Variants in SRRM4 observed in about 807,000 individuals in gnomAD.
SRRM4 encodes the protein serine/arginine repetitive matrix protein 4.
A neutral mutation model predicts 68.9 loss-of-function variants in SRRM4; 33 were observed. The observed-to-expected ratio is 0.48, with a 90% confidence interval of 0.36 to 0.64. The LOEUF (loss-of-function observed/expected upper bound fraction) is 0.64. SRRM4 is among the 30% of genes least tolerant of loss of function. SRRM4 has a pLI of 0.00. For synonymous variants in SRRM4, 318 were observed against 318.8 expected (o/e 1.00, Z 0.03); for missense variants, 817 against 827.1 (o/e 0.99, Z 0.15).
At chr12:119,074,019 T>C (rs988704332) in intron 1 of SRRM4, among the ~76,000 whole-genome samples, 1 of 152,140 alleles carries the variant, frequency 6.6e-6, no homozygotes, top group Non-Finnish European at 1.5e-5. Flanking sequence ...ATATGTAAAG[T>C]GTTTTTAAAA....
At chr12:119,031,788 G>C (rs1163186328) in intron 1 of SRRM4, among the ~76,000 whole-genome samples, 1 of 149,562 alleles carries the variant, frequency 6.7e-6, no homozygotes, top group African/African-American at 2.5e-5. Flanking sequence ...CATAATTTTT[G>C]CCCATTAAAA....
chr12:119,109,195 T>A (rs1008019285), intron 2 of SRRM4, among the ~76,000 whole-genome samples: 2 of 152,194 alleles, frequency 1.3e-5, no homozygotes, highest in Non-Finnish European at 2.9e-5. Flanking sequence ...AGATCAGCTG[T>A]TAGTCTGATG....
intron 1 of SRRM4, among the ~76,000 whole-genome samples, chr12:119,092,350 A>G (rs1414520194): frequency 6.6e-6 from 1 of 152,092 alleles, no homozygotes; most frequent in Non-Finnish European, 1.5e-5. Flanking sequence ...AGGCTCATGT[A>G]CCCACTTGCC....
intron 3 of SRRM4, among the ~76,000 whole-genome samples, chr12:119,115,757 C>G (rs985051485): frequency 2.0e-5 from 3 of 152,178 alleles, no homozygotes; most frequent in Middle Eastern, 3.2e-3. Flanking sequence ...ACTCGTTCAT[C>G]CAGTGAATAT....
chr12:119,105,431 C>T (rs1200420277), intron 2 of SRRM4, among the ~76,000 whole-genome samples: 1 of 152,172 alleles, frequency 6.6e-6, no homozygotes, highest in African/African-American at 2.4e-5. Flanking sequence ...TTTACACTCC[C>T]ACCAACAGTG....
intron 1 of SRRM4, among the ~76,000 whole-genome samples, chr12:119,021,282 T>C (rs1953514470): frequency 6.6e-6 from 1 of 152,202 alleles, no homozygotes; most frequent in Non-Finnish European, 1.5e-5. Context: ...AAAAAAGAAG[T>C]GATCCTATGG....
chr12:119,141,172 AC>A (rs1178635124), intron 8 of SRRM4, among the ~76,000 whole-genome samples: 2 of 152,158 alleles, frequency 1.3e-5, no homozygotes, highest in East Asian at 3.9e-4. Context: ...CGAACTCCTG[AC>A]CTCAAGTAAT....
At chr12:119,070,527 C>T (rs1272915902) in intron 1 of SRRM4, among the ~76,000 whole-genome samples, 8 of 152,054 alleles carry the variant, frequency 5.3e-5, no homozygotes, top group African/African-American at 7.2e-5. Context: ...CACCCCCTGC[C>T]GCACACAGAA....
At chr12:118,982,665 T>TTTTATTTTATTTTATTTTA (rs1953255366) in intron 1 of SRRM4, among the ~76,000 whole-genome samples, 1 of 80,956 alleles carries the variant, frequency 1.2e-5, no homozygotes, top group African/African-American at 4.0e-5. Flanking sequence ...AAGAGTTTTA[T>TTTTATTTTATTTTATTTTA]TTTGTTTTTT....
chr12:119,032,092 CCACAGTT>C (rs1185821411), intron 1 of SRRM4, among the ~76,000 whole-genome samples: 1 of 152,014 alleles, frequency 6.6e-6, no homozygotes, highest in Non-Finnish European at 1.5e-5. Context: ...ACTCTTTAAT[CCACAGTT>C]CATCTTTTCC....
At chr12:119,135,431 A>G (rs925497018) in intron 8 of SRRM4, among the ~76,000 whole-genome samples, 13 of 152,238 alleles carry the variant, frequency 8.5e-5, no homozygotes, top group African/African-American at 2.9e-4. Flanking sequence ...AAAAACAATA[A>G]TAATAAAAGC....
intron 2 of SRRM4, among the ~76,000 whole-genome samples, chr12:119,107,610 G>C (rs552504291): frequency 1.3e-5 from 2 of 152,238 alleles, no homozygotes; most frequent in East Asian, 3.9e-4. Context: ...TTTGTGTAGA[G>C]TGTTTATAGT....
At chr12:119,019,947 G>GC (rs1953504224) in intron 1 of SRRM4, among the ~76,000 whole-genome samples, 20 of 37,874 alleles carry the variant, frequency 5.3e-4, no homozygotes, top group Admixed American at 8.4e-4. Flanking sequence ...AGTTCCCCCC[G>GC]CTCCCCCCCC....
chr12:119,094,348 A>G (rs1417953631), intron 1 of SRRM4, among the ~76,000 whole-genome samples: 1 of 152,162 alleles, frequency 6.6e-6, no homozygotes, highest in African/African-American at 2.4e-5. Flanking sequence ...AATTGGTTAG[A>G]AATGCAGAAA....
Position 119,151,105 on chromosome 12 carries a change from T to C in SRRM4, c.1165T>C (p.Cys389Arg), listed in dbSNP as rs200763312. 1 of 1,613,842 alleles carries C rather than the reference T, an allele frequency of 6.2e-7. No homozygotes were observed. Among genetic ancestry groups the C allele is most frequent in the East Asian group, 2.2e-5 (1 of 44,856 alleles). ...AGCCCGGAGCTCACCCATGAAAGGGTGTTCCCGCAGCTCCTCCTATGCCAG... is the reference window on the plus strand; with the variant it reads ...AGCCCGGAGCTCACCCATGAAAGGGCGTTCCCGCAGCTCCTCCTATGCCAG... ...STARSSPMKG[C>R]SRSSSYASTR... Residue 389 changes from cysteine to arginine, a missense_variant, in exon 10 of 13, where the codon TGT becomes CGT. Physicochemically the swap from Cys to Arg is radical, Grantham distance 180. Coordinates refer to ENST00000267260, the MANE Select transcript of SRRM4 (RefSeq NM_194286.4).
intron 1 of SRRM4, among the ~76,000 whole-genome samples, chr12:119,054,600 G>C (rs1258578957): frequency 6.6e-6 from 1 of 150,808 alleles, no homozygotes; most frequent in Non-Finnish European, 1.5e-5. Context: ...GTATTAGTTA[G>C]GAGTCCTTTA....
intron 1 of SRRM4, among the ~76,000 whole-genome samples, chr12:119,087,941 C>T (rs943065201): frequency 1.3e-5 from 2 of 152,114 alleles, no homozygotes; most frequent in African/African-American, 4.8e-5. Flanking sequence ...CTTACAATAC[C>T]CACCTCAAGA....
At position 119,138,197 on chromosome 12, in the gene SRRM4, G is replaced by A. The variant is rs1592913472; in HGVS notation, c.772-7184G>A. Among the ~76,000 whole-genome samples the A allele has an allele frequency of 2.0e-5, 3 of 152,112 alleles. No homozygotes were observed. In the East Asian group the frequency reaches 5.8e-4, roughly 29 times the overall value. ...CAGATCTTATTTTTCAACAGAAACT[G>A]GAAATGGGGTTGTTACATGAAACCT... is the stretch of plus-strand genomic sequence containing the variant. On this transcript the variant is annotated intron_variant, in intron 8 of 12. Coordinates refer to ENST00000267260, the MANE Select transcript of SRRM4 (RefSeq NM_194286.4).
intron 1 of SRRM4, among the ~76,000 whole-genome samples, chr12:119,024,189 A>G (rs1267481715): frequency 6.6e-6 from 1 of 152,074 alleles, no homozygotes; most frequent in Non-Finnish European, 1.5e-5. Flanking sequence ...CAAAAATTGT[A>G]CCTGAAGCCC....
Sources: gnomAD v4.1 joint callset for allele counts (sites outside exome capture counted in the v4.1 genomes callset) on GRCh38, gnomAD v4.1.1 for gene constraint, MANE v1.5 for transcripts, NCBI Gene and HGNC (gene_info 2026-07-23, HGNC 2026-07-21) for gene names.